Variants in LARGE1 observed in about 807,000 individuals in gnomAD.
LARGE1 encodes the protein LARGE xylosyl- and glucuronyltransferase 1, also known as xylosyl- and glucuronyltransferase LARGE1.
A neutral mutation model predicts 87.6 loss-of-function variants in LARGE1; 43 were observed. The ratio of observed to expected loss-of-function variants is 0.49; its 90% CI spans 0.38 to 0.63. The LOEUF (loss-of-function observed/expected upper bound fraction) is 0.63, where lower values mean the gene tolerates loss of function less well. Ranked by LOEUF, LARGE1 falls within the 30% of genes least tolerant of loss-of-function variation. LARGE1 has a pLI of 0.00. For missense variants in LARGE1, 802 were observed against 1,000.2 expected (o/e 0.80, Z 2.67); for synonymous variants, 434 against 394.6 (o/e 1.10, Z -1.18).
intron 2 of LARGE1, among the ~76,000 whole-genome samples, chr22:33,697,141 C>T (rs891596481): frequency 1.8e-4 from 27 of 152,124 alleles, no homozygotes; most frequent in African/African-American, 6.3e-4. Context: ...GCTTCTGCTG[C>T]CGTTTTCTGG....
chr22:33,118,961 C>T, the LARGE1 span, among the ~76,000 whole-genome samples: 3 of 152,204 alleles, frequency 2.0e-5, no homozygotes, highest in Non-Finnish European at 4.4e-5. Flanking sequence ...GGTGAACAAT[C>T]TATGTGTCTC....
chr22:33,793,767 A>G lies in LARGE1; in HGVS notation c.-82-32209T>C, dbSNP rs5754672. 6.7e-4 allele frequency among the ~76,000 whole-genome samples: 99 copies of G among 148,588 alleles called. No homozygotes were observed. In the East Asian group the frequency reaches 0.019, roughly 28 times the overall value. On this transcript the variant is annotated intron_variant, in intron 1 of 14. Coordinates refer to ENST00000397394, the MANE Select transcript of LARGE1 (RefSeq NM_133642.5). ...ATCACTGCAGATCTCTGTTTTCTCAAATAAGGCAAGCACCCCCCAACTTTT... is the reference window on the plus strand; with the variant it reads ...ATCACTGCAGATCTCTGTTTTCTCAGATAAGGCAAGCACCCCCCAACTTTT...
the LARGE1 span, among the ~76,000 whole-genome samples, chr22:33,094,771 C>T: frequency 5.3e-5 from 8 of 152,148 alleles, no homozygotes; most frequent in African/African-American, 1.7e-4. Flanking sequence ...CAGGCTGGAG[C>T]GCAATGGCGC....
intron 11 of LARGE1, among the ~76,000 whole-genome samples, chr22:33,170,601 C>T (rs4821132): frequency 0.42 from 64,250 of 151,916 alleles, 13,918 homozygotes; most frequent in Middle Eastern, 0.47. Flanking sequence ...GTTTCCTCTG[C>T]ACTCTTTCTC....
chr22:33,174,667 C>T (rs954746741), intron 11 of LARGE1, among the ~76,000 whole-genome samples: 1 of 152,060 alleles, frequency 6.6e-6, no homozygotes. Flanking sequence ...AATATCACCA[C>T]GGATCCCATA....
At chr22:33,458,472 CT>C (rs1395474160) in intron 6 of LARGE1, among the ~76,000 whole-genome samples, 1 of 146,730 alleles carries the variant, frequency 6.8e-6, no homozygotes, top group Non-Finnish European at 1.5e-5. Flanking sequence ...GCTCTTGTTG[CT>C]CAGGCTGGAG....
At position 33,274,545 on chromosome 22, in the gene LARGE1, CG is replaced by C; in HGVS notation, c.2152del (p.Arg718ValfsTer30). ...ACAGATGCGGTATTGCTTGTTGGAACGGAACTTGGTAATGTCGAAGCTGGGG... is the reference window on the plus strand; with the variant it reads ...ACAGATGCGGTATTGCTTGTTGGAACGAACTTGGTAATGTCGAAGCTGGGG... ...HAPSFDITKF[R>X]SNKQYRICLK... On this transcript the variant is annotated frameshift_variant, in exon 15 of 15. Coordinates refer to ENST00000397394, the MANE Select transcript of LARGE1 (RefSeq NM_133642.5). LOFTEE classifies it high-confidence loss of function. 6.2e-7 allele frequency: 1 copy of C among 1,614,010 alleles called. No individual in the cohort carries two copies. The highest frequency in any genetic ancestry group is 8.5e-7 in the Non-Finnish European group (1 of 1,180,022).
At chr22:33,546,695 A>G (rs1265652015) in intron 6 of LARGE1, among the ~76,000 whole-genome samples, 5 of 152,174 alleles carry the variant, frequency 3.3e-5, no homozygotes, top group Middle Eastern at 3.4e-3. Flanking sequence ...AGAAATTCTC[A>G]GCCTCAGCCT....
intron 1 of LARGE1, among the ~76,000 whole-genome samples, chr22:33,772,121 C>T (rs12168304): frequency 0.017 from 2,601 of 152,244 alleles, 88 homozygotes; most frequent in African/African-American, 0.058. Context: ...ATCACGAGGT[C>T]GGGAGACCGA....
intron 1 of LARGE1, among the ~76,000 whole-genome samples, chr22:33,796,386 C>G (rs1324302921): frequency 1.3e-5 from 2 of 152,260 alleles, no homozygotes; most frequent in South Asian, 4.1e-4. Flanking sequence ...GGCTGCACCA[C>G]TGACCAGCGT....
At chr22:33,651,991 G>A (rs1169907025) in intron 2 of LARGE1, among the ~76,000 whole-genome samples, 2 of 152,144 alleles carry the variant, frequency 1.3e-5, no homozygotes, top group African/African-American at 4.8e-5. Context: ...GGCCAAGCTA[G>A]TGAAACCCCG....
intron 2 of LARGE1, among the ~76,000 whole-genome samples, chr22:33,751,790 C>CA: frequency 6.7e-6 from 1 of 149,622 alleles, no homozygotes; most frequent in South Asian, 2.1e-4. Flanking sequence ...TTTTTTAAGA[C>CA]AGAGTCTTGC....
rs1250945630 is a variant in LARGE1, at chr22:33,391,774, T to C, written c.893-7470A>G. On this transcript the variant is annotated intron_variant, in intron 7 of 14. Transcript: ENST00000397394. ...GGTTATTTCCTTTTTCCTTTTTTTT[T>C]TTTTTTTTTTTTTGAGACGGAGTCT... Among the ~76,000 whole-genome samples the C allele has an allele frequency of 5.4e-5, 8 of 148,164 alleles. 1 individual carries two copies. Among genetic ancestry groups the C allele is most frequent in the South Asian group, 2.2e-4 (1 of 4,590 alleles).
intron 11 of LARGE1, among the ~76,000 whole-genome samples, chr22:33,201,427 GGAAA>G (rs1300923946): frequency 5.5e-5 from 6 of 109,912 alleles, no homozygotes; most frequent in Non-Finnish European, 1.2e-4. Flanking sequence ...AAGGAAGGAA[GGAAA>G]GAAGGAAGGA....
chr22:33,898,736 G>A (rs1324905526), intron 1 of LARGE1, among the ~76,000 whole-genome samples: 2 of 152,150 alleles, frequency 1.3e-5, no homozygotes, highest in East Asian at 1.9e-4. Context: ...CCTGGGCAAC[G>A]AGAGCAAAAC....
At chr22:33,673,396 C>T (rs1569360314) in intron 2 of LARGE1, among the ~76,000 whole-genome samples, 1 of 152,230 alleles carries the variant, frequency 6.6e-6, no homozygotes, top group Non-Finnish European at 1.5e-5. Context: ...CATCCCCTCT[C>T]ACCTCTCAGA....
chr22:33,697,147 T>G (rs4411814), intron 2 of LARGE1, among the ~76,000 whole-genome samples: 1 of 152,194 alleles, frequency 6.6e-6, no homozygotes, highest in Non-Finnish European at 1.5e-5. Flanking sequence ...GCTGCCGTTT[T>G]CTGGCAAGCA....
intron 4 of LARGE1, among the ~76,000 whole-genome samples, chr22:33,618,571 A>G (rs1457758298): frequency 4.6e-5 from 7 of 152,246 alleles, no homozygotes; most frequent in Non-Finnish European, 8.8e-5. Context: ...TTACCTGTTC[A>G]AAGATATCAC....
At chr22:33,713,618 C>G (rs2082809605) in intron 2 of LARGE1, among the ~76,000 whole-genome samples, 1 of 151,700 alleles carries the variant, frequency 6.6e-6, no homozygotes, top group Admixed American at 6.6e-5. Flanking sequence ...AATGATCGAT[C>G]CATGTATTTG....
Sources: gnomAD v4.1 joint callset for allele counts (sites outside exome capture counted in the v4.1 genomes callset) on GRCh38, gnomAD v4.1.1 for gene constraint, MANE v1.5 for transcripts, NCBI Gene and HGNC (gene_info 2026-07-23, HGNC 2026-07-21) for gene names.